The following USP46 variants were observed in gnomAD, a reference collection of about 807,000 sequenced individuals.
The protein encoded by USP46 is ubiquitin specific peptidase 46, also known as ubiquitin carboxyl-terminal hydrolase 46.
USP46 carries 12 observed loss-of-function variants against 44.4 expected under a neutral mutation model. The observed-to-expected ratio is 0.27, with a 90% CI of 0.17 to 0.44. USP46 has a LOEUF of 0.44. USP46 is among the 20% of genes least tolerant of loss of function. The probability of loss-of-function intolerance (pLI) is 1.00; values close to 1 mark genes in which losing one functional copy is unlikely to be tolerated. For synonymous variants in USP46, 155 were observed against 161.5 expected (o/e 0.96, Z 0.31); for missense variants, 248 against 444.8 (o/e 0.56, Z 3.98).
intron 4 of USP46, among the ~76,000 whole-genome samples, chr4:52,614,895 A>G (rs1717062756): frequency 6.6e-6 from 1 of 152,170 alleles, no homozygotes; most frequent in Non-Finnish European, 1.5e-5. Context: ...ATACACCTAT[A>G]TATTTATATG....
At chr4:52,645,750 T>C (rs2109660813) in intron 1 of USP46, among the ~76,000 whole-genome samples, 1 of 152,296 alleles carries the variant, frequency 6.6e-6, no homozygotes, top group Admixed American at 6.5e-5. Context: ...TTTGGCTCTG[T>C]GTCCCCACCC....
At chr4:52,640,793 C>G (rs1280280860) in intron 1 of USP46, among the ~76,000 whole-genome samples, 1 of 116,268 alleles carries the variant, frequency 8.6e-6, no homozygotes, top group Non-Finnish European at 1.8e-5. Context: ...GCAATAAGAG[C>G]AAAACTCCAT....
At chr4:52,629,809 A>AC (rs767741307) in intron 2 of USP46, 2 of 443,612 alleles carry the variant, frequency 4.5e-6, no homozygotes, top group Non-Finnish European at 9.1e-6. Context: ...AGCCATTATG[A>AC]CCCCCACTTT....
chr4:52,654,966 AAC>A (rs1264042700), intron 1 of USP46, among the ~76,000 whole-genome samples: 2 of 152,226 alleles, frequency 1.3e-5, no homozygotes, highest in Non-Finnish European at 2.9e-5. Context: ...CCGGAAATAC[AAC>A]AGTTTGCCCA....
At chr4:52,607,331 C>T (rs1716725581) in intron 5 of USP46, among the ~76,000 whole-genome samples, 1 of 152,138 alleles carries the variant, frequency 6.6e-6, no homozygotes, top group Non-Finnish European at 1.5e-5. Context: ...GGCAGAGCAG[C>T]TGTCAGTTAA....
intron 1 of USP46, among the ~76,000 whole-genome samples, chr4:52,655,638 AGAG>A (rs1326430006): frequency 6.6e-6 from 1 of 152,256 alleles, no homozygotes; most frequent in Non-Finnish European, 1.5e-5. Context: ...GACAAAAATC[AGAG>A]GATTATCAAC....
Position 52,595,246 on chromosome 4 carries a change from C to T in USP46, c.*2394G>A, listed in dbSNP as rs1577651600. ...TTACACTGTGAATGAGGGATGTAAA[C>T]TAAAAGTGTTTGCATGTTACTGTCT... On this transcript the variant is annotated 3_prime_UTR_variant, in exon 9 of 9. Coordinates refer to ENST00000441222, the MANE Select transcript of USP46 (RefSeq NM_022832.4). 6.6e-6 allele frequency: 1 copy of T among 152,502 alleles called. No homozygotes were observed. The highest frequency in any genetic ancestry group is 6.5e-5 in the Admixed American group (1 of 15,268). 9.4% of individuals were successfully genotyped at this position (152,502 alleles called of 1,614,324 possible).
intron 1 of USP46, among the ~76,000 whole-genome samples, chr4:52,633,886 A>G (rs1304304017): frequency 6.6e-6 from 1 of 152,174 alleles, no homozygotes; most frequent in Non-Finnish European, 1.5e-5. Flanking sequence ...AGCACAACAC[A>G]GCACAGCACA....
intron 6 of USP46, among the ~76,000 whole-genome samples, 163 bp from the exon 7 acceptor site, chr4:52,602,217 G>A (rs1476420466): frequency 6.6e-6 from 1 of 152,210 alleles, no homozygotes; most frequent in Non-Finnish European, 1.5e-5. Context: ...CATATATAGA[G>A]CTGACTTATC....
chr4:52,624,043 T>A (rs542255748), intron 4 of USP46, among the ~76,000 whole-genome samples: 1 of 152,106 alleles, frequency 6.6e-6, no homozygotes, highest in Non-Finnish European at 1.5e-5. Flanking sequence ...GGAAATGCTA[T>A]AGGACAAACA....
At chr4:52,607,168 G>T (rs1423901787) in intron 5 of USP46, among the ~76,000 whole-genome samples, 2 of 152,196 alleles carry the variant, frequency 1.3e-5, no homozygotes, top group South Asian at 4.1e-4. Context: ...GACCCAGACA[G>T]GTGGAAATAT....
At chr4:52,599,898 T>C (rs951768427) in intron 7 of USP46, among the ~76,000 whole-genome samples, 2 of 152,106 alleles carry the variant, frequency 1.3e-5, no homozygotes, top group East Asian at 3.9e-4. Context: ...TTATGGGCCT[T>C]TGCATTGCTG....
In USP46 at chr4:52,592,953, T is replaced by G. The variant is rs955860085; in HGVS notation, c.*4687A>C. The stretch of plus-strand genomic sequence containing the variant: ...TGCCTTCTGCTGATTGTAAGTTTCC[T>G]GAGGCCTCCCCCAGAACAGAAGCCT... On this transcript the variant is annotated 3_prime_UTR_variant, in exon 9 of 9. Coordinates refer to ENST00000441222, the MANE Select transcript of USP46 (RefSeq NM_022832.4). 1.0e-5 allele frequency: 4 copies of G among 398,660 alleles called. No homozygotes were observed. Among genetic ancestry groups the G allele is most frequent in the African/African-American group, 6.2e-5 (3 of 48,604 alleles). The allele number at this position is 398,660 out of a possible 1,614,324, so 24.7% of individuals were successfully genotyped here.
At position 52,603,901 on chromosome 4, in the gene USP46, T is replaced by A. The variant is rs150369825; in HGVS notation, c.722+600A>T. 9.1e-3 allele frequency among the ~76,000 whole-genome samples: 1,380 copies of A among 152,204 alleles called. 6 individuals are homozygous for A. Among genetic ancestry groups the A allele is most frequent in the Admixed American group, 0.016 (239 of 15,280 alleles). ...GGTTTCACCATGTTGGCCAGGCTGG[T>A]CTCAAACTCCTGACCTCAAATGATC... On this transcript the variant is annotated intron_variant, in intron 6 of 8. Transcript: ENST00000441222.
intron 1 of USP46, among the ~76,000 whole-genome samples, chr4:52,632,980 GAAAGAAAAGAAAAGAAAGAAA>G (rs1717941823): frequency 2.8e-5 from 2 of 71,434 alleles, no homozygotes; most frequent in African/African-American, 1.4e-4. Flanking sequence ...AAGAAAGAAA[GAAAGAAAAGAAAAGAAAGAAA>G]GAAAGAAAGA....
chr4:52,647,225 A>C (rs1312532118), intron 1 of USP46, among the ~76,000 whole-genome samples: 3 of 152,242 alleles, frequency 2.0e-5, no homozygotes, highest in Admixed American at 2.0e-4. Flanking sequence ...AGGACAGATC[A>C]GGGTATACTC....
At chr4:52,613,164 G>T (rs2098159504) in intron 4 of USP46, among the ~76,000 whole-genome samples, 1 of 152,144 alleles carries the variant, frequency 6.6e-6, no homozygotes, top group African/African-American at 2.4e-5. Flanking sequence ...GGGAAATGCA[G>T]TCTTTCCGGT....
intron 7 of USP46, among the ~76,000 whole-genome samples, chr4:52,600,281 G>C (rs1306653881): frequency 6.6e-6 from 1 of 152,062 alleles, no homozygotes; most frequent in East Asian, 1.9e-4. Context: ...AGTGCATGAG[G>C]CTATGCACCT....
rs1716156827 is a variant in USP46 at position 52,594,693 on chromosome 4, T to C, written c.*2947A>G. ...AAGCTCCAGTTAGAACATAGATCAT[T>C]ATTAGGCATGCCCATGAAATTAAGG... On this transcript the variant is annotated 3_prime_UTR_variant, in exon 9 of 9. Transcript: ENST00000441222. 6.6e-6 allele frequency: 1 copy of C among 152,236 alleles called. No homozygotes were observed. Among genetic ancestry groups the C allele is most frequent in the African/African-American group, 2.4e-5 (1 of 41,472 alleles). 9.4% of individuals were successfully genotyped at this position (152,236 alleles called of 1,614,324 possible).
Sources: gnomAD v4.1 joint callset for allele counts (sites outside exome capture counted in the v4.1 genomes callset) on GRCh38, gnomAD v4.1.1 for gene constraint, MANE v1.5 for transcripts, NCBI Gene and HGNC (gene_info 2026-07-23, HGNC 2026-07-21) for gene names.